Variants in LRRFIP1 observed in about 807,000 individuals in gnomAD.
LRRFIP1 encodes leucine-rich repeat flightless-interacting protein 1.
LRRFIP1 carries 62 observed loss-of-function variants against 104.4 expected under a neutral mutation model. The observed-to-expected ratio is 0.59, with a 90% CI of 0.48 to 0.73. The LOEUF is 0.73. Ranked by LOEUF, LRRFIP1 falls within the 30% of genes least tolerant of loss-of-function variation. LRRFIP1 has a pLI of 0.00. For missense variants in LRRFIP1, 796 were observed against 824.5 expected, an observed-to-expected ratio of 0.97 and a Z score of 0.42; for synonymous variants, 300 against 299.0, an observed-to-expected ratio of 1.00 and a Z score of -0.03.
In LRRFIP1 at chr2:237,735,277, T is replaced by G; in HGVS notation, c.499T>G (p.Leu167Val). 1.2e-6 allele frequency: 2 copies of G among 1,613,516 alleles called. No individual in the cohort carries two copies. The highest frequency in any genetic ancestry group is 1.7e-6 in the Non-Finnish European group (2 of 1,179,786). ...TCTCTTTTGGTCGCAGGCGTCTGTGTTGGATGAAGGCAGCTTCGGTGGGAC... is the reference window on the plus strand; with the variant it reads ...TCTCTTTTGGTCGCAGGCGTCTGTGGTGGATGAAGGCAGCTTCGGTGGGAC... ...RPSGSYRASV[L>V]DEGSFGGTRR... The change falls in exon 10 of 24, where the codon TTG becomes GTG. Residue 167 changes from leucine (L) to valine (V), a missense_variant. Transcript: ENST00000308482. The surrounding 1 kb of genome is among the most constrained non-coding windows in gnomAD (Gnocchi z 4.6).
At chr2:237,647,727 G>GGGTTTTGCTGTCTTTAT in intron 1 of LRRFIP1, among the ~76,000 whole-genome samples, 2 of 79,858 alleles carry the variant, frequency 2.5e-5, no homozygotes, top group African/African-American at 1.1e-4. Flanking sequence ...ACTGCAGGCA[G>GGGTTTTGCTGTCTTTAT]GTGGAGGGAG....
intron 1 of LRRFIP1, among the ~76,000 whole-genome samples, chr2:237,662,961 T>G (rs2088332419): frequency 6.6e-6 from 1 of 152,204 alleles, no homozygotes; most frequent in Non-Finnish European, 1.5e-5. Flanking sequence ...CTCCTTAATC[T>G]GCATGCAATT....
At chr2:237,765,919 T>A in intron 19 of LRRFIP1, 1 of 984,910 alleles carries the variant, frequency 1.0e-6, no homozygotes, top group Non-Finnish European at 1.2e-6. Flanking sequence ...TGTGCAAGCC[T>A]GTGGTTCCAC....
At chr2:237,708,751 A>C (rs947873470) in intron 2 of LRRFIP1, 121 bp downstream of exon 2, 9 of 1,141,598 alleles carry the variant, frequency 7.9e-6, no homozygotes, top group Admixed American at 2.0e-5. Flanking sequence ...TCACGGTCAG[A>C]GTGCGTTTGC....
At chr2:237,774,582 C>A in intron 23 of LRRFIP1, 120 bp downstream of exon 23, 1 of 687,674 alleles carries the variant, frequency 1.5e-6, no homozygotes, top group Non-Finnish European at 2.6e-6. Context: ...GTCAGATCAT[C>A]CCACACCACT....
chr2:237,687,292 TTTTTA>T (rs2092441678), intron 1 of LRRFIP1, among the ~76,000 whole-genome samples: 1 of 152,132 alleles, frequency 6.6e-6, no homozygotes, highest in East Asian at 1.9e-4. Flanking sequence ...AACAGATGTG[TTTTTA>T]GATATTAGTC....
At chr2:237,739,802 A>T (rs1299591653) in intron 11 of LRRFIP1, among the ~76,000 whole-genome samples, 1 of 152,142 alleles carries the variant, frequency 6.6e-6, no homozygotes, top group African/African-American at 2.4e-5. Context: ...TAGGAGCCCT[A>T]TTAGGTCATC....
Position 237,679,403 on chromosome 2 carries a change from C to T in LRRFIP1, c.97-29141C>T, listed in dbSNP as rs115673425. 8.6e-3 allele frequency among the ~76,000 whole-genome samples: 1,302 copies of T among 152,084 alleles called. 16 individuals carry two copies. Among genetic ancestry groups the T allele is most frequent in the African/African-American group, 0.025 (1,054 of 41,454 alleles). On this transcript the variant is annotated intron_variant, in intron 1 of 23. Transcript: ENST00000308482. Reference sequence around the variant, plus strand: ...GAAGAAGGAATATATCAGCAATAACCGTAAAATGATGATGATAATGGCAGT... The same window carrying T: ...GAAGAAGGAATATATCAGCAATAACTGTAAAATGATGATGATAATGGCAGT...
At chr2:237,667,871 C>A (rs1379810018) in intron 1 of LRRFIP1, among the ~76,000 whole-genome samples, 1 of 152,118 alleles carries the variant, frequency 6.6e-6, no homozygotes, top group African/African-American at 2.4e-5. Flanking sequence ...CCGTCAGCCT[C>A]TCCCGGGTTC....
chr2:237,730,492 T>A (rs1379396258), intron 8 of LRRFIP1, among the ~76,000 whole-genome samples: 1 of 152,134 alleles, frequency 6.6e-6, no homozygotes, highest in Non-Finnish European at 1.5e-5. Context: ...AGGAGGTGGG[T>A]GCTCTCCAGG....
intron 3 of LRRFIP1, among the ~76,000 whole-genome samples, chr2:237,716,350 C>T (rs1575758240): frequency 1.3e-5 from 2 of 152,330 alleles, no homozygotes; most frequent in East Asian, 1.9e-4. Context: ...GAATAACCTA[C>T]AGAAAAAGAT....
chr2:237,647,084 C>T (rs2085044183), intron 1 of LRRFIP1, among the ~76,000 whole-genome samples: 1 of 152,054 alleles, frequency 6.6e-6, no homozygotes, highest in Non-Finnish European at 1.5e-5. Context: ...TCCTCTGCTT[C>T]CTTTTTCCTC....
At position 237,708,637 on chromosome 2, in the gene LRRFIP1, C is replaced by T; in HGVS notation, c.183+7C>T. 2 of 1,590,478 alleles carry T rather than the reference C, an allele frequency of 1.3e-6. No homozygotes were observed. Among genetic ancestry groups the T allele is most frequent in the Non-Finnish European group, 1.7e-6 (2 of 1,166,836 alleles). ...GGAGCGGCAGCAGAAGGAGGTAACGCTTGGGGCTCCTTGTTGGGTCTTTTC... is the reference window on the plus strand; with the variant it reads ...GGAGCGGCAGCAGAAGGAGGTAACGTTTGGGGCTCCTTGTTGGGTCTTTTC... On this transcript the variant is annotated splice_region_variant and intron_variant, in intron 2 of 23. Coordinates refer to ENST00000308482, the MANE Select transcript of LRRFIP1 (RefSeq NM_001137550.2).
intron 13 of LRRFIP1, among the ~76,000 whole-genome samples, chr2:237,749,527 C>G (rs1425960194): frequency 6.6e-6 from 1 of 152,230 alleles, no homozygotes; most frequent in Non-Finnish European, 1.5e-5. Flanking sequence ...ATCCTACCCA[C>G]TGACCCCCCA....
At chr2:237,646,549 G>A (rs183152761) in intron 1 of LRRFIP1, among the ~76,000 whole-genome samples, 11 of 152,022 alleles carry the variant, frequency 7.2e-5, no homozygotes, top group East Asian at 3.9e-4. Context: ...CCACAAGCCC[G>A]CATTCGTATT....
At chr2:237,721,122 A>G in intron 6 of LRRFIP1, 1 of 314,830 alleles carries the variant, frequency 3.2e-6, no homozygotes, top group Non-Finnish European at 6.1e-6. Context: ...TTGTCTCAGC[A>G]CATTGGTGTT....
intron 22 of LRRFIP1, 106 bp downstream of exon 22, chr2:237,773,051 C>A (rs1290687553): frequency 2.4e-6 from 2 of 828,666 alleles, no homozygotes; most frequent in Non-Finnish European, 2.0e-6. Context: ...TTTTTAGAAC[C>A]AAGAAATGTC....
Position 237,757,524 on chromosome 2 carries a change from AG to A in LRRFIP1, c.1201del (p.Glu401SerfsTer7). The A allele has an allele frequency of 3.2e-6, 5 of 1,586,822 alleles. No homozygotes were observed. Among genetic ancestry groups the A allele is most frequent in the Non-Finnish European group, 4.3e-6 (5 of 1,165,894 alleles). On this transcript the variant is annotated frameshift_variant, in exon 17 of 24. Coordinates refer to ENST00000308482, the MANE Select transcript of LRRFIP1 (RefSeq NM_001137550.2). LOFTEE classifies it high-confidence loss of function. ...REISDLQETIEWKDKKIGALE... is the reference protein window; with the variant it reads ...REISDLQETIXWKDKKIGALE... The stretch of plus-strand genomic sequence containing the variant: ...AGATTTCTGATCTTCAGGAAACAAT[AG>A]AGTGGAAAGACAAAAAGATAGGGGT...
chr2:237,752,986 G>C (rs1313518052), intron 14 of LRRFIP1, among the ~76,000 whole-genome samples: 1 of 152,192 alleles, frequency 6.6e-6, no homozygotes, highest in African/African-American at 2.4e-5. Flanking sequence ...CGCCGTGCTG[G>C]GGGGATTCCC....
Sources: gnomAD v4.1 joint callset for allele counts (sites outside exome capture counted in the v4.1 genomes callset) on GRCh38, gnomAD v4.1.1 for gene constraint, Gnocchi (gnomAD v3.1) non-coding constraint, MANE v1.5 for transcripts, NCBI Gene and HGNC (gene_info 2026-07-23, HGNC 2026-07-21) for gene names.